The following NKAIN3 variants were observed in gnomAD, a reference collection of about 807,000 sequenced individuals.
The protein encoded by NKAIN3 is sodium/potassium transporting ATPase interacting 3, also known as sodium/potassium-transporting ATPase subunit beta-1-interacting protein 3.
NKAIN3 carries 25 observed loss-of-function variants against 30.2 expected under a neutral mutation model. That is an observed-to-expected ratio of 0.83 (90% CI 0.60 to 1.16). The LOEUF (loss-of-function observed/expected upper bound fraction) is 1.16. NKAIN3 is among the 50% of genes most tolerant of loss of function. NKAIN3 has a pLI of 0.00. For missense variants in NKAIN3, 225 were observed against 254.1 expected, an observed-to-expected ratio of 0.89 and a Z score of 0.78; for synonymous variants, 91 against 89.6, an observed-to-expected ratio of 1.02 and a Z score of -0.09.
At chr8:62,266,485 C>A (rs1585612738) in intron 1 of NKAIN3, among the ~76,000 whole-genome samples, 1 of 152,086 alleles carries the variant, frequency 6.6e-6, no homozygotes, top group Admixed American at 6.6e-5. Context: ...TAGATATTAT[C>A]AAAATTTCAG....
intron 3 of NKAIN3, among the ~76,000 whole-genome samples, chr8:62,625,293 T>G (rs538978346): frequency 2.0e-5 from 3 of 152,264 alleles, no homozygotes; most frequent in African/African-American, 7.2e-5. Flanking sequence ...TCATAAGTGC[T>G]GTCTCATTTA....
At position 62,649,481 on chromosome 8, in the gene NKAIN3, C is replaced by A. The variant is rs552585531; in HGVS notation, c.273+59687C>A. Among the ~76,000 whole-genome samples, 11 of 152,266 alleles carry A rather than the reference C, an allele frequency of 7.2e-5. No homozygotes were observed. In the East Asian group the frequency reaches 1.7e-3, roughly 24 times the overall value. ...ATATATTTAAATTTTGTGAATAATA[C>A]CTTTTTCTTCTTAAGCCAAGTAGAG... On this transcript the variant is annotated intron_variant, in intron 3 of 6. Coordinates refer to ENST00000623646, the MANE Select transcript of NKAIN3 (RefSeq NM_001304533.3).
chr8:62,939,040 G>T (rs187837644), intron 5 of NKAIN3, among the ~76,000 whole-genome samples: 1 of 152,212 alleles, frequency 6.6e-6, no homozygotes, highest in East Asian at 1.9e-4. Flanking sequence ...CAGAGAAATA[G>T]AAAGCACAAA....
At chr8:62,263,808 A>T (rs562239185) in intron 1 of NKAIN3, among the ~76,000 whole-genome samples, 1 of 152,184 alleles carries the variant, frequency 6.6e-6, no homozygotes, top group Admixed American at 6.5e-5. Context: ...TTTCCATTCA[A>T]GTATAGAGGA....
In NKAIN3 at chr8:62,339,573, A is replaced by T. The variant is rs188925454; in HGVS notation, c.54+90446A>T. 2.6e-5 allele frequency among the ~76,000 whole-genome samples: 4 copies of T among 152,168 alleles called. No homozygotes were observed. In the East Asian group the frequency reaches 7.8e-4, roughly 30 times the overall value. On this transcript the variant is annotated intron_variant, in intron 1 of 6. Coordinates refer to ENST00000623646, the MANE Select transcript of NKAIN3 (RefSeq NM_001304533.3). ...ATGGAGACACCTTAAATTTAAATTA[A>T]AAAGGCAAGGGTTCTATTTAGTTTT...
intron 2 of NKAIN3, among the ~76,000 whole-genome samples, chr8:62,586,476 C>CT (rs1377220051): frequency 2.0e-5 from 3 of 152,050 alleles, no homozygotes; most frequent in Non-Finnish European, 4.4e-5. Flanking sequence ...GTTCATATGT[C>CT]TTTTTTTCCC....
intron 3 of NKAIN3, 66 bp from the exon 4 acceptor site, chr8:62,746,866 G>A: frequency 8.6e-7 from 1 of 1,160,114 alleles, no homozygotes; most frequent in East Asian, 2.4e-5. Context: ...TCTTCCTAAG[G>A]TCAAAGTCAA....
Position 62,352,999 on chromosome 8 carries a change from A to G in NKAIN3, c.54+103872A>G, listed in dbSNP as rs868574446. ...ACAAGAGTCCATCTGCCTTCTTGTT[A>G]CTTGATCAGTAATAAAATCAAACCA... On this transcript the variant is annotated intron_variant, in intron 1 of 6. Coordinates refer to ENST00000623646, the MANE Select transcript of NKAIN3 (RefSeq NM_001304533.3). Among the ~76,000 whole-genome samples, 28 of 152,188 alleles carry G rather than the reference A, an allele frequency of 1.8e-4. 1 individual carries two copies. The highest frequency in any genetic ancestry group is 6.3e-3 in the Middle Eastern group (2 of 316).
At chr8:62,687,629 A>AT (rs1423764045) in intron 3 of NKAIN3, among the ~76,000 whole-genome samples, 1 of 152,236 alleles carries the variant, frequency 6.6e-6, no homozygotes, top group Admixed American at 6.5e-5. Flanking sequence ...CTACCCAAAA[A>AT]TGAGTGTAAA....
chr8:62,776,353 C>T (rs755676412), intron 4 of NKAIN3, among the ~76,000 whole-genome samples: 27 of 151,988 alleles, frequency 1.8e-4, no homozygotes, highest in African/African-American at 5.1e-4. Context: ...TTGTGACCTT[C>T]TCTTTCTTCT....
At chr8:62,863,797 C>T (rs2130791296) in intron 4 of NKAIN3, 3 of 1,611,380 alleles carry the variant, frequency 1.9e-6, no homozygotes, top group East Asian at 4.5e-5. Flanking sequence ...CCCATCCAAG[C>T]TTTCTAATAA....
chr8:62,509,543 T>A (rs1807754812), intron 1 of NKAIN3, among the ~76,000 whole-genome samples: 1 of 152,088 alleles, frequency 6.6e-6, no homozygotes, highest in South Asian at 2.1e-4. Flanking sequence ...GCGGCAGTGG[T>A]TTCATTCTTA....
intron 3 of NKAIN3, among the ~76,000 whole-genome samples, chr8:62,721,419 C>A (rs959305438): frequency 2.0e-5 from 3 of 152,166 alleles, no homozygotes; most frequent in African/African-American, 7.2e-5. Flanking sequence ...TATTTCAATT[C>A]TCCTTTGATT....
At chr8:62,326,290 C>T (rs1364298135) in intron 1 of NKAIN3, among the ~76,000 whole-genome samples, 1 of 151,852 alleles carries the variant, frequency 6.6e-6, no homozygotes, top group Non-Finnish European at 1.5e-5. Context: ...TGGATATCTA[C>T]ATGGTAATGA....
chr8:62,413,929 CATT>C (rs1804346987), intron 1 of NKAIN3, among the ~76,000 whole-genome samples: 1 of 151,852 alleles, frequency 6.6e-6, no homozygotes, highest in African/African-American at 2.4e-5. Flanking sequence ...AACTGTTTCT[CATT>C]AATATTAGAC....
chr8:62,351,780 T>C (rs564327115), intron 1 of NKAIN3, among the ~76,000 whole-genome samples: 9 of 152,354 alleles, frequency 5.9e-5, no homozygotes, highest in Admixed American at 3.9e-4. Context: ...TTAATTTCTA[T>C]TGGACTGAAC....
chr8:62,904,007 GAGCCAAACCA>G (rs1563620652), intron 4 of NKAIN3, among the ~76,000 whole-genome samples: 2 of 152,182 alleles, frequency 1.3e-5, no homozygotes, highest in African/African-American at 4.8e-5. Flanking sequence ...TGGGGAAACA[GAGCCAAACCA>G]TATTGCTGTC....
intron 3 of NKAIN3, among the ~76,000 whole-genome samples, chr8:62,704,630 C>T (rs1814460076): frequency 6.6e-6 from 1 of 152,170 alleles, no homozygotes; most frequent in Non-Finnish European, 1.5e-5. Flanking sequence ...ACAGATTTGG[C>T]TTGACTCTCC....
At chr8:62,267,748 G>A (rs532569046) in intron 1 of NKAIN3, among the ~76,000 whole-genome samples, 3 of 152,276 alleles carry the variant, frequency 2.0e-5, no homozygotes, top group Middle Eastern at 3.4e-3. Context: ...AGGAAGCAGA[G>A]AATTCAGGAA....
Sources: allele counts gnomAD v4.1 joint callset (sites outside exome capture counted in the v4.1 genomes callset), GRCh38; gene constraint gnomAD v4.1.1; transcripts MANE v1.5; gene names NCBI Gene and HGNC (gene_info 2026-07-23, HGNC 2026-07-21).